The following RFX2 variants were observed in gnomAD, a reference collection of about 807,000 sequenced individuals.
RFX2 encodes the protein DNA-binding protein RFX2.
A neutral mutation model predicts 87.8 loss-of-function variants in RFX2; 20 were observed. The ratio of observed to expected loss-of-function variants is 0.23; its 90% CI spans 0.16 to 0.33. RFX2 has a LOEUF of 0.33. Ranked by LOEUF, RFX2 falls within the 10% of genes least tolerant of loss-of-function variation. The pLI is 1.00. For synonymous variants in RFX2, 397 were observed against 431.3 expected (o/e 0.92, Z 0.98); for missense variants, 767 against 1,012.3 (o/e 0.76, Z 3.29).
intron 1 of RFX2, among the ~76,000 whole-genome samples, chr19:6,088,849 G>A (rs1025740010): frequency 1.3e-5 from 2 of 152,166 alleles, no homozygotes; most frequent in African/African-American, 4.8e-5. Flanking sequence ...TCAAGCGCTC[G>A]CTGTCAAGAT....
Position 6,039,952 on chromosome 19 carries a change from C to A in RFX2, c.522+28G>T, listed in dbSNP as rs759902804. On this transcript the variant is annotated intron_variant, in intron 5 of 17. Coordinates refer to ENST00000303657, the MANE Select transcript of RFX2 (RefSeq NM_000635.4). The surrounding 1 kb of genome is among the most constrained non-coding windows in gnomAD (Gnocchi z 5.2). Reference sequence around the variant, plus strand: ...GCTTCGAGAATACTCATGGCCTACCCTGCTGGTCCCAAGAGCCTCCTACAT... The same window carrying A: ...GCTTCGAGAATACTCATGGCCTACCATGCTGGTCCCAAGAGCCTCCTACAT... The A allele has an allele frequency of 2.0e-6, 3 of 1,525,298 alleles. No homozygotes were observed. The highest frequency in any genetic ancestry group is 2.7e-6 in the Non-Finnish European group (3 of 1,126,452). 94.5% of individuals were successfully genotyped at this position (1,525,298 alleles called of 1,614,324 possible).
At chr19:5,996,798 C>T (rs762211462) in intron 16 of RFX2, among the ~76,000 whole-genome samples, 2 of 152,276 alleles carry the variant, frequency 1.3e-5, no homozygotes, top group Non-Finnish European at 2.9e-5. Flanking sequence ...GCCAGCGGTG[C>T]GATGGGGACT....
Position 5,998,039 on chromosome 19 carries a change from C to T in RFX2, c.1860-826G>A, listed in dbSNP as rs191016715. 7.8e-4 allele frequency among the ~76,000 whole-genome samples: 118 copies of T among 152,086 alleles called. No homozygotes were observed. The highest frequency in any genetic ancestry group is 2.7e-3 in the African/African-American group (114 of 41,458). ...AAGACCAAAGGGGGCTAGGCACGGT[C>T]GCTCACACCTGTAATCCCAGCACTT... On this transcript the variant is annotated intron_variant, in intron 15 of 17. Coordinates refer to ENST00000303657, the MANE Select transcript of RFX2 (RefSeq NM_000635.4). The surrounding 1 kb of genome is among the most constrained non-coding windows in gnomAD (Gnocchi z 4.2).
In RFX2 at chr19:6,047,108, C is replaced by G. The variant is rs73541931; in HGVS notation, c.90+299G>C. Among the ~76,000 whole-genome samples the G allele has an allele frequency of 0.018, 2,689 of 152,180 alleles. 94 individuals carry two copies. Among genetic ancestry groups the G allele is most frequent in the African/African-American group, 0.062 (2,578 of 41,514 alleles). On this transcript the variant is annotated intron_variant, in intron 2 of 17. Transcript: ENST00000303657. This position sits in a 1 kb window ranked among gnomAD's most constrained non-coding sequence, Gnocchi z 4.2. The stretch of plus-strand genomic sequence containing the variant: ...ATAAAGCATTTCTGTGTAAAAGGGT[C>G]ATTTCCAAGTACAAGAAAACCTCCA...
In RFX2 at chr19:6,022,518, T is replaced by C. The variant is rs1313232580; in HGVS notation, c.597+3645A>G. On this transcript the variant is annotated intron_variant, in intron 6 of 17. Transcript: ENST00000303657. This position sits in a 1 kb window ranked among gnomAD's most constrained non-coding sequence, Gnocchi z 6.2. ...AACCTGCTACGGGGTCCCGGTCGGCTGGTAGCCTGAGGGCAGCCCGGTGGC... is the reference window on the plus strand; with the variant it reads ...AACCTGCTACGGGGTCCCGGTCGGCCGGTAGCCTGAGGGCAGCCCGGTGGC... Among the ~76,000 whole-genome samples the C allele has an allele frequency of 6.6e-6, 1 of 152,226 alleles. No homozygotes were observed. The highest frequency in any genetic ancestry group is 1.5e-5 in the Non-Finnish European group (1 of 68,034).
intron 1 of RFX2, among the ~76,000 whole-genome samples, chr19:6,067,257 A>G (rs1267288428): frequency 1.3e-5 from 2 of 152,238 alleles, no homozygotes; most frequent in Non-Finnish European, 2.9e-5. Context: ...CTATTTGGAA[A>G]AAAGTGTGAA....
In RFX2 at chr19:6,011,425, C is replaced by T. The variant is rs1443154454; in HGVS notation, c.900-1174G>A. Among the ~76,000 whole-genome samples the T allele has an allele frequency of 3.3e-5, 5 of 152,250 alleles. No individual in the cohort carries two copies. Among genetic ancestry groups the T allele is most frequent in the Admixed American group, 1.3e-4 (2 of 15,298 alleles). On this transcript the variant is annotated intron_variant, in intron 8 of 17. Coordinates refer to ENST00000303657, the MANE Select transcript of RFX2 (RefSeq NM_000635.4). This position sits in a 1 kb window ranked among gnomAD's most constrained non-coding sequence, Gnocchi z 4.8. ...AAGCGGGGCCAGGCCTACAGGGAGG[C>T]GGGAGACCATGCTGGCGAGGTGTGT...
intron 5 of RFX2, among the ~76,000 whole-genome samples, chr19:6,031,168 C>T (rs897216532): frequency 1.3e-5 from 2 of 152,050 alleles, no homozygotes; most frequent in Admixed American, 6.6e-5. Context: ...TCCGAATAAT[C>T]ATAGTTTGTC....
Position 6,024,099 on chromosome 19 carries a change from T to C in RFX2, c.597+2064A>G, listed in dbSNP as rs538024188. On this transcript the variant is annotated intron_variant, in intron 6 of 17. Transcript: ENST00000303657. The surrounding 1 kb of genome is among the most constrained non-coding windows in gnomAD (Gnocchi z 5.0). Reference sequence around the variant, plus strand: ...CCAGCCCATTTTCCCATAGACATTTTAACTCTCCCGTGGACTTGCTGCCTG... The same window carrying C: ...CCAGCCCATTTTCCCATAGACATTTCAACTCTCCCGTGGACTTGCTGCCTG... Among the ~76,000 whole-genome samples the C allele has an allele frequency of 1.6e-4, 24 of 152,292 alleles. No homozygotes were observed. In the East Asian group the frequency reaches 4.1e-3, roughly 26 times the overall value.
chr19:6,011,489 C>T lies in RFX2; in HGVS notation c.900-1238G>A, dbSNP rs772924357. The stretch of plus-strand genomic sequence containing the variant: ...CTCAGGGCAGGCCGTGGGCATCACA[C>T]AGACACAGGCTCAGGCTGTGGCTTC... On this transcript the variant is annotated intron_variant, in intron 8 of 17. Coordinates refer to ENST00000303657, the MANE Select transcript of RFX2 (RefSeq NM_000635.4). The surrounding 1 kb of genome is among the most constrained non-coding windows in gnomAD (Gnocchi z 4.8). Among the ~76,000 whole-genome samples the T allele has an allele frequency of 6.6e-6, 1 of 152,242 alleles. No individual in the cohort carries two copies. The highest frequency in any genetic ancestry group is 1.5e-5 in the Non-Finnish European group (1 of 68,040).
In RFX2 at chr19:5,994,775, G is replaced by C. The variant is rs747702320; in HGVS notation, c.*60C>G. 14 of 1,132,206 alleles carry C rather than the reference G, an allele frequency of 1.2e-5. No individual in the cohort carries two copies. The highest frequency in any genetic ancestry group is 1.6e-5 in the Non-Finnish European group (12 of 767,036). The allele number at this position is 1,132,206 out of a possible 1,614,324, so 70.1% of individuals were successfully genotyped here. A position where few individuals can be genotyped will look rare whatever the true frequency, so the allele number is the denominator to read the frequency against. On this transcript the variant is annotated 3_prime_UTR_variant, in exon 18 of 18. Coordinates refer to ENST00000303657, the MANE Select transcript of RFX2 (RefSeq NM_000635.4). ...AATTTGGTGGAGCCGGTGAAATCCA[G>C]GTTCCCAGAGTGACCAGGCGGCATC...
At position 6,045,609 on chromosome 19, in the gene RFX2, C is replaced by T. The variant is rs968397798; in HGVS notation, c.91-1327G>A. Among the ~76,000 whole-genome samples the T allele has an allele frequency of 1.3e-5, 2 of 152,146 alleles. No homozygotes were observed. Among genetic ancestry groups the T allele is most frequent in the Non-Finnish European group, 2.9e-5 (2 of 68,038 alleles). On this transcript the variant is annotated intron_variant, in intron 2 of 17. Transcript: ENST00000303657. This position sits in a 1 kb window ranked among gnomAD's most constrained non-coding sequence, Gnocchi z 5.2. The stretch of plus-strand genomic sequence containing the variant: ...TAAAGATGTCTGACCATACACACTA[C>T]ATCAAATAAACCGCTTCACTGTCTG...
intron 7 of RFX2, among the ~76,000 whole-genome samples, chr19:6,015,334 CAGG>C (rs2086710195): frequency 6.6e-6 from 1 of 151,920 alleles, no homozygotes; most frequent in African/African-American, 2.4e-5. Flanking sequence ...GAGGCTGAGG[CAGG>C]AGAATTGGTT....
intron 7 of RFX2, among the ~76,000 whole-genome samples, chr19:6,015,012 C>A (rs8105106): frequency 0.11 from 16,717 of 152,176 alleles, 2,773 homozygotes; most frequent in African/African-American, 0.36. Flanking sequence ...GTTGGAGGTG[C>A]TGCTGTTTCT....
chr19:6,028,802 C>T (rs1178333311), intron 5 of RFX2, among the ~76,000 whole-genome samples: 2 of 152,036 alleles, frequency 1.3e-5, no homozygotes, highest in Admixed American at 6.6e-5. Flanking sequence ...TGGCCGGGCA[C>T]GGTGGCTCAC....
rs1202988592 is a variant in RFX2, at chr19:6,047,406, C to A, written c.90+1G>T. The stretch of plus-strand genomic sequence containing the variant: ...TGTTGTTGCTGAGAGGCGCGCGTTA[C>A]CTGCGGGGAGGCTGGCACAGGCGGG... On this transcript the variant is annotated splice_donor_variant, in intron 2 of 17. Coordinates refer to ENST00000303657, the MANE Select transcript of RFX2 (RefSeq NM_000635.4). LOFTEE classifies it high-confidence loss of function. This position sits in a 1 kb window ranked among gnomAD's most constrained non-coding sequence, Gnocchi z 4.2. 6.2e-7 allele frequency: 1 copy of A among 1,604,826 alleles called. No individual in the cohort carries two copies. Among genetic ancestry groups the A allele is most frequent in the African/African-American group, 1.3e-5 (1 of 74,826 alleles).
intron 1 of RFX2, among the ~76,000 whole-genome samples, chr19:6,087,559 G>A (rs1047570736): frequency 2.6e-5 from 4 of 152,130 alleles, no homozygotes; most frequent in Non-Finnish European, 5.9e-5. Context: ...ACCTTGATCA[G>A]TTCCACAGCC....
In RFX2 at chr19:6,026,572, A is replaced by T; in HGVS notation, c.523-335T>A. 3 of 338,480 alleles carry T rather than the reference A, an allele frequency of 8.9e-6. No individual in the cohort carries two copies. The highest frequency in any genetic ancestry group is 2.8e-5 in the South Asian group (1 of 36,016). The allele number at this position is 338,480 out of a possible 1,614,324, so 21.0% of individuals were successfully genotyped here. A position where few individuals can be genotyped will look rare whatever the true frequency, so the allele number is the denominator to read the frequency against. ...GCATTAATATGCAGCCACTGCATCCATTCCAGTGTCAGCCAAGCCAGCATC... is the reference window on the plus strand; with the variant it reads ...GCATTAATATGCAGCCACTGCATCCTTTCCAGTGTCAGCCAAGCCAGCATC... On this transcript the variant is annotated intron_variant, in intron 5 of 17. Coordinates refer to ENST00000303657, the MANE Select transcript of RFX2 (RefSeq NM_000635.4). This position sits in a 1 kb window ranked among gnomAD's most constrained non-coding sequence, Gnocchi z 4.5.
chr19:6,065,075 C>A (rs1304323424), intron 1 of RFX2, among the ~76,000 whole-genome samples: 1 of 152,122 alleles, frequency 6.6e-6, no homozygotes, highest in African/African-American at 2.4e-5. Flanking sequence ...AAATGAGGCT[C>A]TAATTCCTGA....
Sources: allele counts gnomAD v4.1 joint callset (sites outside exome capture counted in the v4.1 genomes callset), GRCh38; gene constraint gnomAD v4.1.1; non-coding constraint Gnocchi (gnomAD v3.1); transcripts MANE v1.5; gene names NCBI Gene and HGNC (gene_info 2026-07-23, HGNC 2026-07-21).